The following PLSCR5 variants were observed in gnomAD, a reference collection of about 807,000 sequenced individuals.
PLSCR5 encodes the protein phospholipid scramblase family member 5.
Under a neutral mutation model 33.6 loss-of-function variants are expected in PLSCR5, and 44 were observed. The observed-to-expected ratio is 1.31, with a 90% CI of 1.03 to 1.69. PLSCR5 has a LOEUF of 1.69. Among genes scored for constraint, PLSCR5 ranks in the 40% most tolerant of loss-of-function variants. The pLI, the probability that PLSCR5 is intolerant of heterozygous loss-of-function variation, is 0.00. For missense variants in PLSCR5, 375 were observed against 318.7 expected (o/e 1.18, Z -1.34); for synonymous variants, 148 against 112.3 (o/e 1.32, Z -2.01).
Position 146,585,959 on chromosome 3 carries a change from A to G in PLSCR5, c.*45-17T>C. The G allele has an allele frequency of 8.9e-7, 1 of 1,128,384 alleles. No individual in the cohort carries two copies. The highest frequency in any genetic ancestry group is 1.2e-6 in the Non-Finnish European group (1 of 839,718). The allele number at this position is 1,128,384 out of a possible 1,614,324, so 69.9% of individuals were successfully genotyped here. ...AAGGGATTTCTAGAAGAAAATGAAAAAGAGTTAGATAGCGTCAAATATAGA... is the reference window on the plus strand; with the variant it reads ...AAGGGATTTCTAGAAGAAAATGAAAGAGAGTTAGATAGCGTCAAATATAGA... On this transcript the variant is annotated splice_polypyrimidine_tract_variant and intron_variant, in intron 7 of 7. Transcript: ENST00000443512.
chr3:146,589,889 T>C, intron 5 of PLSCR5, 75 bp from the exon 6 acceptor site: 1 of 902,414 alleles, frequency 1.1e-6, no homozygotes, highest in East Asian at 2.7e-5. Context: ...GGTGTTTACT[T>C]CATGAGAGAT....
chr3:146,604,351 C>T (rs746517992), intron 1 of PLSCR5, among the ~76,000 whole-genome samples: 4 of 152,010 alleles, frequency 2.6e-5, no homozygotes, highest in African/African-American at 7.2e-5. Flanking sequence ...AGTAAGATAA[C>T]GTAATGATAT....
At chr3:146,595,545 C>T (rs1411275701) in intron 2 of PLSCR5, among the ~76,000 whole-genome samples, 1 of 151,570 alleles carries the variant, frequency 6.6e-6, no homozygotes, top group Admixed American at 6.6e-5. Flanking sequence ...CCTGGGAGGT[C>T]GAGGTTGTGG....
chr3:146,586,236 A>G, intron 6 of PLSCR5, 124 bp from the exon 7 acceptor site: 1 of 971,084 alleles, frequency 1.0e-6, no homozygotes, highest in Non-Finnish European at 1.4e-6. Context: ...CAGTATTATG[A>G]TTTAACAGAA....
At chr3:146,582,891 C>A (rs2044641464), downstream of PLSCR5, among the ~76,000 whole-genome samples, 2 of 152,098 alleles carry the variant, frequency 1.3e-5, no homozygotes, top group Admixed American at 1.3e-4. Context: ...TCTTTTCAGG[C>A]TTTTGCATTT....
chr3:146,595,104 G>A, intron 2 of PLSCR5, 21 bp from the exon 3 acceptor site: 1 of 1,364,492 alleles, frequency 7.3e-7, no homozygotes, highest in Non-Finnish European at 9.6e-7. Context: ...TGACATAAAA[G>A]GAAATAAAAA....
downstream of PLSCR5, among the ~76,000 whole-genome samples, chr3:146,585,634 C>A (rs534185824): frequency 6.2e-4 from 91 of 147,132 alleles, no homozygotes; most frequent in Non-Finnish European, 1.2e-3. Context: ...TAGTAACTAG[C>A]CTTAGTACCA....
At chr3:146,590,365 G>A (rs2044703409) in intron 5 of PLSCR5, 1 of 151,458 alleles carries the variant, frequency 6.6e-6, no homozygotes, top group Non-Finnish European at 1.5e-5. Flanking sequence ...ATTATACTCA[G>A]ACATTTATTA....
chr3:146,592,995 A>G (rs1180343095), intron 4 of PLSCR5, among the ~76,000 whole-genome samples: 1 of 152,144 alleles, frequency 6.6e-6, no homozygotes, highest in African/African-American at 2.4e-5. Flanking sequence ...TTACCTAAAA[A>G]TAGTTGGAGA....
chr3:146,577,467 G>A (rs188808367), intron 7 of PLSCR5, among the ~76,000 whole-genome samples: 78 of 152,170 alleles, frequency 5.1e-4, no homozygotes, highest in African/African-American at 1.8e-3. Context: ...TGATGGTTTA[G>A]CTCTTAAATG....
At chr3:146,588,218 C>G (rs564311980) in intron 6 of PLSCR5, among the ~76,000 whole-genome samples, 1 of 152,114 alleles carries the variant, frequency 6.6e-6, no homozygotes, top group Non-Finnish European at 1.5e-5. Flanking sequence ...CACCTATAAT[C>G]CCAGCACTTT....
chr3:146,583,086 A>C (rs1356599683), downstream of PLSCR5, among the ~76,000 whole-genome samples: 1 of 152,048 alleles, frequency 6.6e-6, no homozygotes, highest in East Asian at 1.9e-4. Context: ...TCAAATGTTC[A>C]GGGAGGCTGA....
intron 1 of PLSCR5, among the ~76,000 whole-genome samples, chr3:146,604,059 C>T (rs2044843103): frequency 6.6e-6 from 1 of 152,022 alleles, no homozygotes; most frequent in Non-Finnish European, 1.5e-5. Flanking sequence ...AGCAAGTAAG[C>T]ATACACATTT....
At position 146,591,780 on chromosome 3, in the gene PLSCR5, A is replaced by G. The variant is rs1336453217; in HGVS notation, c.555T>C (p.Asp185=). ...CACAAGGACCAACAATTTTCAAAATATCTTCTTTGTTTGCATTTTGGATTG... is the reference window on the plus strand; with the variant it reads ...CACAAGGACCAACAATTTTCAAAATGTCTTCTTTGTTTGCATTTTGGATTG... ...KFTIQNANKE[D]ILKIVGPCVT... The change falls in exon 5 of 8, where the codon GAT becomes GAC. Residue 185 remains aspartate, a synonymous_variant. Coordinates refer to ENST00000443512, the MANE Select transcript of PLSCR5 (RefSeq NM_001085420.2). 4 of 1,612,088 alleles carry G rather than the reference A, an allele frequency of 2.5e-6. No homozygotes were observed. The highest frequency in any genetic ancestry group is 1.1e-5 in the South Asian group (1 of 90,800).
intron 6 of PLSCR5, among the ~76,000 whole-genome samples, chr3:146,587,213 T>C (rs2044673415): frequency 6.6e-6 from 1 of 152,184 alleles, no homozygotes; most frequent in South Asian, 2.1e-4. Flanking sequence ...GTGCAGATGC[T>C]TGCACTTTGC....
At chr3:146,581,453 T>C (rs1419323918), downstream of PLSCR5, among the ~76,000 whole-genome samples, 2 of 152,228 alleles carry the variant, frequency 1.3e-5, no homozygotes, top group Non-Finnish European at 2.9e-5. Flanking sequence ...AATGCTGACA[T>C]TGATGCCTAG....
At chr3:146,593,694 T>A (rs984435704) in intron 4 of PLSCR5, among the ~76,000 whole-genome samples, 31 of 152,154 alleles carry the variant, frequency 2.0e-4, no homozygotes, top group African/African-American at 7.0e-4. Flanking sequence ...GCATGAGCTG[T>A]CTTCAACAGT....
chr3:146,583,105 C>T (rs1221151062), downstream of PLSCR5, among the ~76,000 whole-genome samples: 1 of 152,042 alleles, frequency 6.6e-6, no homozygotes, highest in East Asian at 1.9e-4. Flanking sequence ...GATTTGAGTG[C>T]TAATTAAATC....
downstream of PLSCR5, among the ~76,000 whole-genome samples, chr3:146,583,485 T>G (rs77277178): frequency 5.8e-3 from 890 of 152,274 alleles, 7 homozygotes; most frequent in African/African-American, 0.02. Context: ...GTATCAGTCC[T>G]GGTCTAGAGC....
Sources: gnomAD v4.1 joint callset for allele counts (sites outside exome capture counted in the v4.1 genomes callset) on GRCh38, gnomAD v4.1.1 for gene constraint, MANE v1.5 for transcripts, NCBI Gene and HGNC (gene_info 2026-07-23, HGNC 2026-07-21) for gene names.